SMOC2: variants seen among roughly 807,000 people sequenced by gnomAD.
SMOC2 encodes SPARC related modular calcium binding 2, also known as SPARC-related modular calcium-binding protein 2.
In SMOC2, 39 loss-of-function variants were observed where a neutral mutation model predicts 61.4. That is an observed-to-expected ratio of 0.64 (90% CI 0.49 to 0.83). The LOEUF (loss-of-function observed/expected upper bound fraction) is 0.83. Among genes scored for constraint, SMOC2 ranks in the 40% least tolerant of loss-of-function variants. The pLI, the probability that SMOC2 is intolerant of heterozygous loss-of-function variation, is 0.00. For missense variants in SMOC2, 556 were observed against 592.9 expected (o/e 0.94, Z 0.65); for synonymous variants, 247 against 239.9 (o/e 1.03, Z -0.27).
rs551578503 is a variant in SMOC2 at position 168,442,166 on chromosome 6, A to G, written c.84+712A>G. ...AGAAGCGCTTTCTTCCCTTCTCAGG[A>G]CAGAACTGGAGGCAGGCGGCGGCTC... On this transcript the variant is annotated intron_variant, in intron 1 of 12. Coordinates refer to ENST00000356284, the MANE Select transcript of SMOC2 (RefSeq NM_001166412.2). Among the ~76,000 whole-genome samples, 208 of 152,258 alleles carry G rather than the reference A, an allele frequency of 1.4e-3. 1 individual carries two copies. The highest frequency in any genetic ancestry group is 3.2e-3 in the Middle Eastern group (1 of 316).
At chr6:168,584,833 G>A (rs908733858) in intron 7 of SMOC2, among the ~76,000 whole-genome samples, 1 of 152,168 alleles carries the variant, frequency 6.6e-6, no homozygotes. Context: ...CAGTGCTGGT[G>A]CTCAGGAAAC....
At chr6:168,608,374 T>C (rs1440947394) in intron 9 of SMOC2, 135 bp downstream of exon 9, 8 of 966,054 alleles carry the variant, frequency 8.3e-6, no homozygotes, top group African/African-American at 5.0e-5. Flanking sequence ...CCTACCTCCT[T>C]GCAGAGGGCC....
At chr6:168,595,636 A>C (rs1158737332) in intron 7 of SMOC2, among the ~76,000 whole-genome samples, 1 of 152,150 alleles carries the variant, frequency 6.6e-6, no homozygotes, top group African/African-American at 2.4e-5. Flanking sequence ...TTCTCCAATG[A>C]GTCTGAATTT....
chr6:168,631,731 T>G (rs1402212716), intron 9 of SMOC2, among the ~76,000 whole-genome samples: 1 of 146,766 alleles, frequency 6.8e-6, no homozygotes, highest in Non-Finnish European at 1.5e-5. Flanking sequence ...TCTGGTTGGT[T>G]GTGTTTTCCT....
chr6:168,652,966 C>A lies in SMOC2; in HGVS notation c.1023C>A (p.Pro341=). 1.2e-6 allele frequency: 2 copies of A among 1,613,334 alleles called. No homozygotes were observed. Among genetic ancestry groups the A allele is most frequent in the Non-Finnish European group, 1.7e-6 (2 of 1,179,788 alleles). ...PSSSSGRLSE[P]DPSHTLEERV... is the part of the protein sequence containing the mutation. ...GTGTTCCTTCCAGGCTCTCAGAACCCGACCCCAGCCATACCCTAGAGGAGC... is the reference window on the plus strand; with the variant it reads ...GTGTTCCTTCCAGGCTCTCAGAACCAGACCCCAGCCATACCCTAGAGGAGC... The change falls in exon 11 of 13, where the codon CCC becomes CCA. Residue 341 remains proline (P), a synonymous_variant. Coordinates refer to ENST00000356284, the MANE Select transcript of SMOC2 (RefSeq NM_001166412.2).
At chr6:168,506,429 T>C (rs766886520) in intron 1 of SMOC2, among the ~76,000 whole-genome samples, 2 of 152,264 alleles carry the variant, frequency 1.3e-5, no homozygotes, top group Non-Finnish European at 2.9e-5. Context: ...GTCAGAGACG[T>C]ATTTAATCAA....
intron 4 of SMOC2, among the ~76,000 whole-genome samples, chr6:168,536,731 G>C (rs995190127): frequency 6.6e-6 from 1 of 152,092 alleles, no homozygotes; most frequent in South Asian, 2.1e-4. Context: ...CCACCCCCTG[G>C]GGGTACTGTG....
intron 1 of SMOC2, among the ~76,000 whole-genome samples, chr6:168,466,329 C>T (rs1389002430): frequency 6.6e-6 from 1 of 152,062 alleles, no homozygotes; most frequent in Non-Finnish European, 1.5e-5. Flanking sequence ...AACTGGGGTG[C>T]TCTGGATGAA....
At chr6:168,629,601 G>A (rs1275911834) in intron 9 of SMOC2, among the ~76,000 whole-genome samples, 2 of 152,196 alleles carry the variant, frequency 1.3e-5, no homozygotes, top group African/African-American at 4.8e-5. Context: ...CTGTAGCTAG[G>A]TATCACCTTT....
chr6:168,597,417 G>C (rs931220041), intron 7 of SMOC2, among the ~76,000 whole-genome samples: 9 of 152,164 alleles, frequency 5.9e-5, no homozygotes, highest in African/African-American at 2.2e-4. Context: ...TTTAGCATTG[G>C]AAAAATTATG....
At chr6:168,665,649 C>A (rs537827171) in intron 12 of SMOC2, among the ~76,000 whole-genome samples, 2 of 152,376 alleles carry the variant, frequency 1.3e-5, no homozygotes, top group South Asian at 4.1e-4. Flanking sequence ...TCTCCTCCTG[C>A]AATCCTAACC....
At chr6:168,447,543 C>T (rs1166302642) in intron 1 of SMOC2, among the ~76,000 whole-genome samples, 1 of 152,192 alleles carries the variant, frequency 6.6e-6, no homozygotes, top group Admixed American at 6.5e-5. Context: ...GCTGCATCAT[C>T]TCTCACTGTT....
Position 168,597,644 on chromosome 6 carries a change from T to A in SMOC2, c.638-1174T>A, listed in dbSNP as rs1372647055. Among the ~76,000 whole-genome samples the A allele has an allele frequency of 1.3e-5, 2 of 152,258 alleles. 1 individual carries two copies. The highest frequency in any genetic ancestry group is 6.3e-3 in the Middle Eastern group (2 of 316). On this transcript the variant is annotated intron_variant, in intron 7 of 12. Coordinates refer to ENST00000356284, the MANE Select transcript of SMOC2 (RefSeq NM_001166412.2). ...TCTATAAACTATACACTGTAGTTAA[T>A]CAGCTTCAAAGCAGGCTTAAAGCAC...
rs369220056 is a variant in SMOC2 at position 168,520,108 on chromosome 6, T to A, written c.257-6238T>A. 5.9e-5 allele frequency among the ~76,000 whole-genome samples: 9 copies of A among 152,312 alleles called. No individual in the cohort carries two copies. The East Asian group carries it at 1.2e-3, about 20-fold the overall frequency. On this transcript the variant is annotated intron_variant, in intron 2 of 12. Transcript: ENST00000356284. ...CTGCTGTGGGGATGCATCATGCTGC[T>A]TTTGCTGGCCAAGGGCTGCAGACCA...
intron 1 of SMOC2, among the ~76,000 whole-genome samples, chr6:168,458,592 A>G (rs1781646127): frequency 6.6e-6 from 1 of 152,116 alleles, no homozygotes; most frequent in South Asian, 2.1e-4. Flanking sequence ...TTCATTGCTA[A>G]GGAATGGGGC....
intron 8 of SMOC2, among the ~76,000 whole-genome samples, chr6:168,603,677 G>A (rs1163163252): frequency 1.3e-5 from 2 of 151,246 alleles, no homozygotes; most frequent in East Asian, 2.0e-4. Context: ...GCAGACATGG[G>A]TAAACATGTG....
At chr6:168,554,547 G>GC (rs749625270) in intron 7 of SMOC2, among the ~76,000 whole-genome samples, 9 of 152,290 alleles carry the variant, frequency 5.9e-5, no homozygotes, top group South Asian at 2.1e-4. Context: ...GGGCACGGAG[G>GC]CCCCCCGTCT....
At chr6:168,612,938 T>G (rs1785920902) in intron 9 of SMOC2, among the ~76,000 whole-genome samples, 1 of 152,136 alleles carries the variant, frequency 6.6e-6, no homozygotes, top group South Asian at 2.1e-4. Flanking sequence ...GAAGTCAAAA[T>G]AAGTGATTTC....
chr6:168,635,037 G>A (rs1562395813), intron 9 of SMOC2, among the ~76,000 whole-genome samples: 1 of 152,188 alleles, frequency 6.6e-6, no homozygotes, highest in African/African-American at 2.4e-5. Flanking sequence ...TGATGCCACA[G>A]GATGTAGAAC....
Sources: gnomAD v4.1 joint callset for allele counts (sites outside exome capture counted in the v4.1 genomes callset) on GRCh38, gnomAD v4.1.1 for gene constraint, MANE v1.5 for transcripts, NCBI Gene and HGNC (gene_info 2026-07-23, HGNC 2026-07-21) for gene names.